The following ZNF91 variants were observed in gnomAD, a reference collection of about 807,000 sequenced individuals.
ZNF91 encodes zinc finger protein 91 (HPF7, HTF10).
ZNF91 carries 7 observed loss-of-function variants against 12.6 expected under a neutral mutation model. The observed-to-expected ratio is 0.55, with a 90% CI of 0.31 to 1.04. The LOEUF is 1.04. Among genes scored for constraint, ZNF91 ranks in the 50% least tolerant of loss-of-function variants. ZNF91 has a pLI of 0.05. For missense variants in ZNF91, 1,217 were observed against 1,385.4 expected, an observed-to-expected ratio of 0.88 and a Z score of 1.93; for synonymous variants, 453 against 462.6, an observed-to-expected ratio of 0.98 and a Z score of 0.27.
At chr19:23,344,726 T>C (rs1187535050) in intron 3 of ZNF91, among the ~76,000 whole-genome samples, 3 of 152,224 alleles carry the variant, frequency 2.0e-5, no homozygotes, top group Non-Finnish European at 2.9e-5. Context: ...GAATGTTTTA[T>C]ATCCCTGAAA....
At chr19:23,337,609 T>C (rs1057273828), downstream of ZNF91, among the ~76,000 whole-genome samples, 7 of 151,878 alleles carry the variant, frequency 4.6e-5, no homozygotes, top group Admixed American at 2.0e-4. Context: ...TATGACACTT[T>C]CAAAGGAACA....
At position 23,360,496 on chromosome 19, in the gene ZNF91, C is replaced by G; in HGVS notation, c.2483G>C (p.Cys828Ser). The change falls in exon 4 of 4, where the codon TGT becomes TCT. Residue 828 changes from cysteine to serine, a missense_variant. Cys to Ser is a moderately radical substitution (Grantham distance 112, BLOSUM62 -1). Transcript: ENST00000300619. ...TIHTGEKPYK[C>S]KECGKAFKHS... ...CTTAAAAGCTTTGCCACATTCTTTACATTTGTAGGGTTTCTCTCCAGTATG... is the reference window on the plus strand; with the variant it reads ...CTTAAAAGCTTTGCCACATTCTTTAGATTTGTAGGGTTTCTCTCCAGTATG... 3.7e-6 allele frequency: 6 copies of G among 1,613,706 alleles called. No homozygotes were observed. Among genetic ancestry groups the G allele is most frequent in the Non-Finnish European group, 5.1e-6 (6 of 1,179,932 alleles).
chr19:23,395,268 C>T (rs866271126), intron 1 of ZNF91, 57 bp downstream of exon 1: 2 of 1,600,716 alleles, frequency 1.2e-6, no homozygotes, highest in Non-Finnish European at 8.5e-7. Context: ...AGCCGCATCC[C>T]ACCGGTTTCA....
At chr19:23,320,503 A>G (rs1489467829) in intron 1 of ZNF91, among the ~76,000 whole-genome samples, 2 of 152,192 alleles carry the variant, frequency 1.3e-5, no homozygotes, top group Non-Finnish European at 1.5e-5. Context: ...GAGAATCAGG[A>G]ACCTTCTTCA....
chr19:23,370,038 AC>A lies in ZNF91; in HGVS notation c.253+3703del, dbSNP rs1233484243. Among the ~76,000 whole-genome samples, 247 of 151,566 alleles carry A rather than the reference AC, an allele frequency of 1.6e-3. 1 individual carries two copies. Among genetic ancestry groups the A allele is most frequent in the Non-Finnish European group, 2.3e-3 (158 of 67,848 alleles). ...AAAAAAGCAAAAAACAAACAAACAA[AC>A]AAACAAAACTTATATTGATTGTTGG... On this transcript the variant is annotated intron_variant, in intron 3 of 3. Transcript: ENST00000300619.
chr19:23,319,201 C>T (rs934551748), intron 1 of ZNF91, among the ~76,000 whole-genome samples: 7 of 152,186 alleles, frequency 4.6e-5, no homozygotes, highest in South Asian at 4.1e-4. Context: ...GGTATTGTGA[C>T]GTATCGCTGA....
At chr19:23,349,487 C>A (rs1489543532) in intron 3 of ZNF91, among the ~76,000 whole-genome samples, 14 of 152,206 alleles carry the variant, frequency 9.2e-5, no homozygotes. Flanking sequence ...AGATTCTGAG[C>A]CATTCAGGAA....
chr19:23,391,930 C>G (rs1257074781), intron 1 of ZNF91, among the ~76,000 whole-genome samples: 1 of 152,112 alleles, frequency 6.6e-6, no homozygotes, highest in Non-Finnish European at 1.5e-5. Context: ...GCTTTTGAAA[C>G]TATAACTAGG....
chr19:23,374,508 CA>C, intron 2 of ZNF91, 129 bp downstream of exon 2: 1 of 973,940 alleles, frequency 1.0e-6, no homozygotes, highest in South Asian at 1.8e-5. Context: ...TGCAATGAGC[CA>C]AGATCTCGCC....
intron 3 of ZNF91, among the ~76,000 whole-genome samples, chr19:23,367,340 T>C (rs773992110): frequency 6.7e-6 from 1 of 150,336 alleles, no homozygotes; most frequent in Non-Finnish European, 1.5e-5. Flanking sequence ...TTTAAGAATA[T>C]CAATATTATC....
intron 2 of ZNF91, 64 bp downstream of exon 2, chr19:23,374,574 A>AAG: frequency 1.4e-6 from 2 of 1,438,974 alleles, no homozygotes; most frequent in Non-Finnish European, 1.9e-6. Context: ...AAAAAAAAAA[A>AAG]AAAAAAGAAA....
At chr19:23,336,469 A>G (rs1398332982), downstream of ZNF91, among the ~76,000 whole-genome samples, 2 of 152,188 alleles carry the variant, frequency 1.3e-5, no homozygotes, top group Non-Finnish European at 2.9e-5. Context: ...CAATTATGCA[A>G]ATGGAGCACT....
intron 1 of ZNF91, among the ~76,000 whole-genome samples, chr19:23,375,010 T>C (rs1224506123): frequency 2.0e-5 from 3 of 152,186 alleles, no homozygotes; most frequent in Admixed American, 6.5e-5. Flanking sequence ...TGATAAAGTG[T>C]AAAATTGAGG....
chr19:23,323,724 G>A (rs1967771703), intron 1 of ZNF91, among the ~76,000 whole-genome samples: 2 of 96,022 alleles, frequency 2.1e-5, no homozygotes, highest in Admixed American at 2.2e-4. Flanking sequence ...TTTCTTCTAC[G>A]CCTTCTCCTC....
At chr19:23,329,769 C>A (rs1346888774) in intron 1 of ZNF91, among the ~76,000 whole-genome samples, 3 of 152,142 alleles carry the variant, frequency 2.0e-5, no homozygotes, top group African/African-American at 7.2e-5. Flanking sequence ...TAATGGCAAA[C>A]AAAATAGTGA....
intron 3 of ZNF91, chr19:23,342,182 C>A: frequency 1.9e-6 from 1 of 529,106 alleles, no homozygotes; most frequent in East Asian, 2.9e-5. Context: ...GAGAAGCTGA[C>A]TACTGTCTCA....
At chr19:23,308,993 C>T (rs1967432561) in exon 2 of ZNF91, 1 of 151,904 alleles carries the variant, frequency 6.6e-6, no homozygotes, top group Admixed American at 6.6e-5. Context: ...GAGTCCAACA[C>T]CTAGAAGGTG....
At chr19:23,336,848 C>T (rs1015105367), downstream of ZNF91, among the ~76,000 whole-genome samples, 1 of 152,156 alleles carries the variant, frequency 6.6e-6, no homozygotes, top group Non-Finnish European at 1.5e-5. Flanking sequence ...CCGCCCACTG[C>T]AGGCTCCGCC....
intron 2 of ZNF91, 29 bp from the exon 3 acceptor site, chr19:23,373,866 T>G: frequency 6.5e-7 from 1 of 1,534,510 alleles, no homozygotes; most frequent in South Asian, 1.2e-5. Flanking sequence ...CTAACATGAG[T>G]CTTGCTCATA....
Sources: gnomAD v4.1 joint callset for allele counts (sites outside exome capture counted in the v4.1 genomes callset) on GRCh38, gnomAD v4.1.1 for gene constraint, MANE v1.5 for transcripts, NCBI Gene and HGNC (gene_info 2026-07-23, HGNC 2026-07-21) for gene names.